The following TFEB variants were observed in gnomAD, a reference collection of about 807,000 sequenced individuals.
TFEB encodes transcription factor EB.
TFEB carries 12 observed loss-of-function variants against 48.0 expected under a neutral mutation model. That is an observed-to-expected ratio of 0.25 (90% CI 0.16 to 0.40). The LOEUF is 0.40. Ranked by LOEUF, TFEB falls within the 10% of genes least tolerant of loss-of-function variation. TFEB has a pLI of 1.00. For synonymous variants in TFEB, 244 were observed against 261.4 expected, an observed-to-expected ratio of 0.93 and a Z score of 0.64; for missense variants, 509 against 640.3, an observed-to-expected ratio of 0.79 and a Z score of 2.21.
chr6:41,720,928 C>T lies in TFEB; in HGVS notation c.-23+14422G>A, dbSNP rs113808260. Among the ~76,000 whole-genome samples, 722 of 152,338 alleles carry T rather than the reference C, an allele frequency of 4.7e-3. 6 individuals are homozygous for T. Among genetic ancestry groups the T allele is most frequent in the African/African-American group, 0.016 (648 of 41,574 alleles). The stretch of plus-strand genomic sequence containing the variant: ...CCAACCTCCACCCAACCCCCTGCTC[C>T]AGCAAGCATGGGCAGCTCCTGCCAG... On this transcript the variant is annotated intron_variant, in intron 1 of 8. Transcript: ENST00000373033. This position sits in a 1 kb window ranked among gnomAD's most constrained non-coding sequence, Gnocchi z 4.1.
chr6:41,714,362 T>C (rs1770637164), intron 1 of TFEB, among the ~76,000 whole-genome samples: 1 of 152,206 alleles, frequency 6.6e-6, no homozygotes, highest in African/African-American at 2.4e-5. Flanking sequence ...ATGAACAAAC[T>C]GTAACTCACA....
Position 41,689,815 on chromosome 6 carries a change from G to A in TFEB, c.469-4C>T, listed in dbSNP as rs775148831. The A allele has an allele frequency of 2.9e-5, 46 of 1,613,160 alleles. 1 individual carries two copies. In the South Asian group the frequency reaches 4.0e-4, roughly 14 times the overall value. On this transcript the variant is annotated splice_region_variant and splice_polypyrimidine_tract_variant and intron_variant, in intron 3 of 8. Transcript: ENST00000373033. ...TGTTGTCAATGACATCATCCAACTGGAAAAGAGAAAAGTCCATCTGGGGAG... is the reference window on the plus strand; with the variant it reads ...TGTTGTCAATGACATCATCCAACTGAAAAAGAGAAAAGTCCATCTGGGGAG...
chr6:41,693,603 C>T (rs1352730401), intron 1 of TFEB, among the ~76,000 whole-genome samples: 4 of 152,104 alleles, frequency 2.6e-5, no homozygotes, highest in African/African-American at 9.7e-5. Context: ...AGGGCTCCTC[C>T]CACCACCACT....
chr6:41,714,219 C>CTG (rs1328787030), intron 1 of TFEB, among the ~76,000 whole-genome samples: 6 of 150,976 alleles, frequency 4.0e-5, no homozygotes, highest in Non-Finnish European at 7.4e-5. Flanking sequence ...GCGTGCGTGT[C>CTG]TGTGTGTGTG....
At chr6:41,700,195 G>T (rs1034286465) in intron 1 of TFEB, among the ~76,000 whole-genome samples, 4 of 151,484 alleles carry the variant, frequency 2.6e-5, no homozygotes, top group African/African-American at 9.8e-5. Flanking sequence ...GGCTGGGCGC[G>T]GTGGCTCACG....
chr6:41,701,689 A>G (rs554726980), intron 1 of TFEB, among the ~76,000 whole-genome samples: 5 of 152,344 alleles, frequency 3.3e-5, no homozygotes, highest in African/African-American at 1.2e-4. Context: ...TCATGCCTGT[A>G]ATCCCAGCAC....
chr6:41,708,630 A>G (rs1048515808), intron 1 of TFEB, among the ~76,000 whole-genome samples: 1 of 152,082 alleles, frequency 6.6e-6, no homozygotes, highest in Non-Finnish European at 1.5e-5. Context: ...ATCCTACTCT[A>G]CCACTGGTGC....
chr6:41,690,556 C>G (rs1769247617), intron 3 of TFEB, 107 bp downstream of exon 3: 1 of 1,320,830 alleles, frequency 7.6e-7, no homozygotes, highest in African/African-American at 1.5e-5. Context: ...CAGACTGAGT[C>G]TCCCTGAAGG....
intron 1 of TFEB, among the ~76,000 whole-genome samples, chr6:41,726,528 C>T (rs1405519801): frequency 2.6e-5 from 4 of 152,052 alleles, no homozygotes; most frequent in Admixed American, 2.0e-4. Flanking sequence ...ACTGCAACCT[C>T]CACCTCCCAG....
intron 1 of TFEB, among the ~76,000 whole-genome samples, chr6:41,707,486 C>T (rs970694024): frequency 2.6e-5 from 4 of 152,218 alleles, no homozygotes; most frequent in African/African-American, 4.8e-5. Flanking sequence ...CCCAGGACCA[C>T]GTCTCCAGGG....
chr6:41,725,531 AC>A (rs1393000831), intron 1 of TFEB, among the ~76,000 whole-genome samples: 1 of 152,184 alleles, frequency 6.6e-6, no homozygotes, highest in African/African-American at 2.4e-5. Context: ...AGGCACTGCC[AC>A]TTAGGGGGTC....
intron 1 of TFEB, among the ~76,000 whole-genome samples, chr6:41,728,975 T>C (rs1771334215): frequency 6.6e-6 from 1 of 152,040 alleles, no homozygotes; most frequent in Non-Finnish European, 1.5e-5. Context: ...GAGCAGCCAC[T>C]ATATATGAGG....
Position 41,730,764 on chromosome 6 carries a change from G to T in TFEB, c.-23+4586C>A, listed in dbSNP as rs73733010. Among the ~76,000 whole-genome samples, 17 of 152,198 alleles carry T rather than the reference G, an allele frequency of 1.1e-4. No individual in the cohort carries two copies. Among genetic ancestry groups the T allele is most frequent in the African/African-American group, 4.1e-4 (17 of 41,436 alleles). Reference sequence around the variant, plus strand: ...GTATCTCTGGTGCAGTGTGGAGGAGGGACAGATGATAGGAGAGCAGGGGAC... The same window carrying T: ...GTATCTCTGGTGCAGTGTGGAGGAGTGACAGATGATAGGAGAGCAGGGGAC... On this transcript the variant is annotated intron_variant, in intron 1 of 8. Transcript: ENST00000373033. The surrounding 1 kb of genome is among the most constrained non-coding windows in gnomAD (Gnocchi z 4.1).
At chr6:41,697,277 A>G (rs781391436) in intron 1 of TFEB, among the ~76,000 whole-genome samples, 14 of 151,838 alleles carry the variant, frequency 9.2e-5, no homozygotes, top group East Asian at 1.9e-4. Context: ...GTGTGGTGGC[A>G]CATGCCTGTA....
rs58971184 is a variant in TFEB at position 41,701,944 on chromosome 6, C to CA, written c.-22-10710dup. ...TGGGCGACAGAGCAAGGCTCCGTCTCAAAAAAAAAAAAAAAAGAAAGATTA... is the reference window on the plus strand; with the variant it reads ...TGGGCGACAGAGCAAGGCTCCGTCTCAAAAAAAAAAAAAAAAAGAAAGATTA... On this transcript the variant is annotated intron_variant, in intron 1 of 8. Coordinates refer to ENST00000373033, the MANE Select transcript of TFEB (RefSeq NM_001271944.2). Among the ~76,000 whole-genome samples, 267 of 109,576 alleles carry CA rather than the reference C, an allele frequency of 2.4e-3. 4 individuals are homozygous for CA. The highest frequency in any genetic ancestry group is 4.7e-3 in the Middle Eastern group (1 of 214). 71.9% of individuals were successfully genotyped at this position (109,576 alleles called of 152,430 possible). A position where few individuals can be genotyped will look rare whatever the true frequency, so the allele number is the denominator to read the frequency against.
intron 1 of TFEB, 55 bp downstream of exon 1, chr6:41,735,295 C>T (rs898628294): frequency 2.0e-5 from 20 of 984,444 alleles, no homozygotes; most frequent in Non-Finnish European, 2.4e-5. Flanking sequence ...GCCAGGGAGC[C>T]TGGGTCGGGG....
At chr6:41,735,636 G>A (rs1486985141), upstream of TFEB, 22 of 890,938 alleles carry the variant, frequency 2.5e-5, no homozygotes, top group South Asian at 5.1e-5. Context: ...CCCGGCAGAG[G>A]GCAGCACCCG....
At chr6:41,703,032 G>C (rs928427007) in intron 1 of TFEB, among the ~76,000 whole-genome samples, 1 of 152,212 alleles carries the variant, frequency 6.6e-6, no homozygotes, top group Admixed American at 6.5e-5. Flanking sequence ...GCCAGGCACC[G>C]GTTTCACTGT....
intron 1 of TFEB, among the ~76,000 whole-genome samples, chr6:41,694,731 A>T (rs951342659): frequency 6.6e-6 from 1 of 152,038 alleles, no homozygotes; most frequent in Non-Finnish European, 1.5e-5. Flanking sequence ...CCCTCCCACC[A>T]TCTGGCCCTT....
Sources: allele counts gnomAD v4.1 joint callset (sites outside exome capture counted in the v4.1 genomes callset), GRCh38; gene constraint gnomAD v4.1.1; non-coding constraint Gnocchi (gnomAD v3.1); transcripts MANE v1.5; gene names NCBI Gene and HGNC (gene_info 2026-07-23, HGNC 2026-07-21).